Variants in AFAP1 observed in about 807,000 individuals in gnomAD.
AFAP1 encodes actin filament-associated protein 1.
AFAP1 carries 75 observed loss-of-function variants against 93.9 expected under a neutral mutation model. The observed-to-expected ratio is 0.80, with a 90% CI of 0.66 to 0.97. The LOEUF is 0.97. AFAP1 is among the 50% of genes least tolerant of loss of function. The pLI, the probability that AFAP1 is intolerant of heterozygous loss-of-function variation, is 0.00. For missense variants in AFAP1, 1,201 were observed against 1,050.8 expected (o/e 1.14, Z -1.98); for synonymous variants, 517 against 430.7 (o/e 1.20, Z -2.48).
rs377062685 is a variant in AFAP1 at position 7,793,822 on chromosome 4, G to T, written c.1271C>A (p.Ser424Tyr). The T allele has an allele frequency of 5.2e-6, 8 of 1,532,458 alleles. No individual in the cohort carries two copies. In the African/African-American group the frequency reaches 9.5e-5, roughly 18 times the overall value. 94.9% of individuals were successfully genotyped at this position (1,532,458 alleles called of 1,614,324 possible). ...CCACCTGCCCATGTCTTCAGAAGAA[G>T]ATGCCTGTTGAAGTGGGAAAAAAGG... ...NGQEVAVLEASSSEDMGRWIG... is the reference protein window; with the variant it reads ...NGQEVAVLEAYSSEDMGRWIG... Residue 424 changes from serine to tyrosine, a missense_variant, in exon 11 of 18, where the codon TCT (serine) becomes TAT (tyrosine). Coordinates refer to ENST00000420658, the MANE Select transcript of AFAP1 (RefSeq NM_001134647.2).
At chr4:7,866,680 G>C (rs1716431555) in intron 3 of AFAP1, among the ~76,000 whole-genome samples, 1 of 152,110 alleles carries the variant, frequency 6.6e-6, no homozygotes, top group South Asian at 2.1e-4. Flanking sequence ...TTCCCATCTA[G>C]CTCTTCATCT....
At chr4:7,924,151 T>C (rs1720587891) in intron 1 of AFAP1, among the ~76,000 whole-genome samples, 1 of 152,226 alleles carries the variant, frequency 6.6e-6, no homozygotes, top group Non-Finnish European at 1.5e-5. Flanking sequence ...GCAGAAAGAA[T>C]ACTGCTTTCT....
intron 3 of AFAP1, among the ~76,000 whole-genome samples, chr4:7,857,752 A>C (rs897503361): frequency 6.6e-6 from 1 of 152,206 alleles, no homozygotes; most frequent in African/African-American, 2.4e-5. Context: ...TGGTCAAACA[A>C]ACTATTCATG....
chr4:7,899,102 C>T (rs980345277), intron 1 of AFAP1, among the ~76,000 whole-genome samples: 1 of 151,624 alleles, frequency 6.6e-6, no homozygotes, highest in African/African-American at 2.4e-5. Flanking sequence ...AAATACATAC[C>T]TAAGCAGAGA....
chr4:7,836,182 C>T (rs1304141766), intron 6 of AFAP1, among the ~76,000 whole-genome samples: 2 of 152,324 alleles, frequency 1.3e-5, no homozygotes, highest in African/African-American at 4.8e-5. Context: ...TGTAAACCTT[C>T]AGGACCCTGG....
intron 16 of AFAP1, among the ~76,000 whole-genome samples, chr4:7,770,826 A>G (rs958295143): frequency 2.0e-5 from 3 of 152,080 alleles, no homozygotes; most frequent in Non-Finnish European, 4.4e-5. Flanking sequence ...AGGACAAAAG[A>G]CAAGCAGCGT....
Position 7,793,836 on chromosome 4 carries a change from T to A in AFAP1, c.1267-10A>T. On this transcript the variant is annotated splice_polypyrimidine_tract_variant and intron_variant, in intron 10 of 17. Transcript: ENST00000420658. The stretch of plus-strand genomic sequence containing the variant: ...CTTCAGAAGAAGATGCCTGTTGAAG[T>A]GGGAAAAAAGGTAGGCTGTATTTAA... 1 of 1,517,114 alleles carries A rather than the reference T, an allele frequency of 6.6e-7. No homozygotes were observed. Among genetic ancestry groups the A allele is most frequent in the African/African-American group, 1.4e-5 (1 of 72,814 alleles). The allele number at this position is 1,517,114 out of a possible 1,614,324, so 94.0% of individuals were successfully genotyped here. A position where few individuals can be genotyped will look rare whatever the true frequency, so the allele number is the denominator to read the frequency against.
At chr4:7,919,226 A>G (rs10019770) in intron 1 of AFAP1, among the ~76,000 whole-genome samples, 7,029 of 152,306 alleles carry the variant, frequency 0.046, 497 homozygotes, top group African/African-American at 0.15. Context: ...CGGCGGCAAC[A>G]ACATCAACAA....
intron 1 of AFAP1, among the ~76,000 whole-genome samples, chr4:7,903,447 A>C (rs1168837442): frequency 6.6e-6 from 1 of 152,252 alleles, no homozygotes; most frequent in African/African-American, 2.4e-5. Flanking sequence ...TGGGAGGCTT[A>C]GGCATGCAGA....
chr4:7,922,223 A>T (rs918937951), intron 1 of AFAP1, among the ~76,000 whole-genome samples: 3 of 152,254 alleles, frequency 2.0e-5, no homozygotes, highest in African/African-American at 7.2e-5. Context: ...CATATTACAT[A>T]TTCAAAATAT....
chr4:7,848,801 C>T (rs1280570586), intron 4 of AFAP1, among the ~76,000 whole-genome samples: 1 of 152,182 alleles, frequency 6.6e-6, no homozygotes, highest in Non-Finnish European at 1.5e-5. Flanking sequence ...CTCTTCTTCA[C>T]CAGAAACTAG....
At chr4:7,771,554 G>A (rs771976118) in intron 16 of AFAP1, among the ~76,000 whole-genome samples, 1 of 152,190 alleles carries the variant, frequency 6.6e-6, no homozygotes, top group African/African-American at 2.4e-5. Context: ...AGATGTGAAT[G>A]ATGTGAATGA....
In AFAP1 at chr4:7,769,293, T is replaced by C. The variant is rs375355700; in HGVS notation, c.2254-285A>G. ...TGAGGGTGGGATTCCTGCCCTAGTC[T>C]TTTGCATTCAAAGCTGGGCTCTTGC... On this transcript the variant is annotated intron_variant, in intron 16 of 17. Transcript: ENST00000420658. Among the ~76,000 whole-genome samples, 10 of 152,140 alleles carry C rather than the reference T, an allele frequency of 6.6e-5. No individual in the cohort carries two copies. The East Asian group carries it at 1.5e-3, about 24-fold the overall frequency.
At chr4:7,781,015 T>C (rs903713050) in intron 13 of AFAP1, among the ~76,000 whole-genome samples, 1 of 152,218 alleles carries the variant, frequency 6.6e-6, no homozygotes, top group Non-Finnish European at 1.5e-5. Context: ...TTAAGTGTAA[T>C]GGAAACATAG....
chr4:7,861,393 C>T (rs1187776151), intron 3 of AFAP1, among the ~76,000 whole-genome samples: 2 of 152,138 alleles, frequency 1.3e-5, no homozygotes, highest in Non-Finnish European at 2.9e-5. Context: ...GTTTAAGCTG[C>T]GAAAATGGTT....
At position 7,765,290 on chromosome 4, in the gene AFAP1, G is replaced by A. The variant is rs146455051; in HGVS notation, c.2419-1499C>T. Among the ~76,000 whole-genome samples the A allele has an allele frequency of 6.2e-3, 946 of 152,256 alleles. 7 individuals carry two copies. Among genetic ancestry groups the A allele is most frequent in the African/African-American group, 0.022 (900 of 41,550 alleles). On this transcript the variant is annotated intron_variant, in intron 17 of 17. Transcript: ENST00000420658. Reference sequence around the variant, plus strand: ...CTTCTCTCTACACACACCCATGCCTGTTCTCCACCTGATGTCACCTGGCCA... The same window carrying A: ...CTTCTCTCTACACACACCCATGCCTATTCTCCACCTGATGTCACCTGGCCA...
chr4:7,769,244 C>T (rs1715068467), intron 16 of AFAP1, among the ~76,000 whole-genome samples: 1 of 152,210 alleles, frequency 6.6e-6, no homozygotes, highest in South Asian at 2.1e-4. Context: ...GGTGCTCTGA[C>T]TCCCGGCTGT....
intron 6 of AFAP1, among the ~76,000 whole-genome samples, chr4:7,828,058 C>T (rs1048191417): frequency 6.6e-6 from 1 of 152,194 alleles, no homozygotes; most frequent in Non-Finnish European, 1.5e-5. Flanking sequence ...ATATTAAAGA[C>T]GTGGCTTCAA....
At chr4:7,825,596 T>C (rs1721351912) in intron 6 of AFAP1, among the ~76,000 whole-genome samples, 1 of 152,102 alleles carries the variant, frequency 6.6e-6, no homozygotes, top group African/African-American at 2.4e-5. Flanking sequence ...ACACTGTGTG[T>C]AGAATGAGAC....
Sources: gnomAD v4.1 joint callset for allele counts (sites outside exome capture counted in the v4.1 genomes callset) on GRCh38, gnomAD v4.1.1 for gene constraint, MANE v1.5 for transcripts, NCBI Gene and HGNC (gene_info 2026-07-23, HGNC 2026-07-21) for gene names.